ADAMTSL1: variants seen among roughly 807,000 people sequenced by gnomAD.
The protein encoded by ADAMTSL1 is ADAMTS like 1, also known as ADAMTS-like protein 1.
ADAMTSL1 carries 126 observed loss-of-function variants against 201.8 expected under a neutral mutation model. That is an observed-to-expected ratio of 0.62 (90% confidence interval 0.54 to 0.72). The LOEUF is 0.72. Among genes scored for constraint, ADAMTSL1 ranks in the 30% least tolerant of loss-of-function variants. The pLI, the probability that ADAMTSL1 is intolerant of heterozygous loss-of-function variation, is 0.00. For missense variants in ADAMTSL1, 2,679 were observed against 2,277.8 expected (o/e 1.18, Z -3.59); for synonymous variants, 1,121 against 903.4 (o/e 1.24, Z -4.32).
chr9:18,262,785 C>G (rs545647337), intron 2 of ADAMTSL1, among the ~76,000 whole-genome samples: 77 of 152,298 alleles, frequency 5.1e-4, no homozygotes, highest in African/African-American at 1.7e-3. Context: ...TGATTGGTTT[C>G]TGCAAGTAGG....
chr9:18,578,532 T>A (rs980696636), intron 4 of ADAMTSL1, among the ~76,000 whole-genome samples: 7 of 152,182 alleles, frequency 4.6e-5, no homozygotes, highest in Non-Finnish European at 1.0e-4. Flanking sequence ...TAGGTTGGAA[T>A]CTAAGCTCCA....
intron 2 of ADAMTSL1, among the ~76,000 whole-genome samples, chr9:18,325,218 C>T (rs1460975436): frequency 6.6e-6 from 1 of 152,172 alleles, no homozygotes; most frequent in Non-Finnish European, 1.5e-5. Flanking sequence ...TACCCTATGA[C>T]CCAGTGATTC....
chr9:18,683,787 A>G (rs559309393), intron 12 of ADAMTSL1, among the ~76,000 whole-genome samples: 1 of 152,350 alleles, frequency 6.6e-6, no homozygotes, highest in South Asian at 2.1e-4. Flanking sequence ...GCAGTTAACT[A>G]TCAAGAATCA....
chr9:18,681,699 G>GTGT, intron 11 of ADAMTSL1, 113 bp from the exon 12 acceptor site: 3 of 287,428 alleles, frequency 1.0e-5, no homozygotes, highest in East Asian at 6.8e-5. Context: ...TCCTCGTGTG[G>GTGT]GGGGGGGGGG....
chr9:18,060,087 C>T (rs576985711), intron 1 of ADAMTSL1, among the ~76,000 whole-genome samples: 2 of 152,284 alleles, frequency 1.3e-5, no homozygotes, highest in East Asian at 1.9e-4. Flanking sequence ...TTGTGACTTA[C>T]CTATCCTTCC....
chr9:18,429,649 ATGCTCTTATTAATTTATCATTCCCCTTT>A (rs1187392936), intron 2 of ADAMTSL1, among the ~76,000 whole-genome samples: 1 of 152,148 alleles, frequency 6.6e-6, no homozygotes, highest in African/African-American at 2.4e-5. Flanking sequence ...GGCCTAAATA[ATGCTCTTATTAATTTATCATTCCCCTTT>A]AGAAGGAGGG....
chr9:18,043,611 G>A (rs1179939390), intron 1 of ADAMTSL1, among the ~76,000 whole-genome samples: 1 of 151,940 alleles, frequency 6.6e-6, no homozygotes, highest in African/African-American at 2.4e-5. Flanking sequence ...GGTGTTCCCT[G>A]ACTTCTAGAG....
chr9:18,449,279 A>T (rs1307343163), intron 2 of ADAMTSL1, among the ~76,000 whole-genome samples: 1 of 143,832 alleles, frequency 7.0e-6, no homozygotes. Flanking sequence ...TATATAATTT[A>T]AAAATATAAT....
At chr9:18,023,498 CA>C (rs749111613) in intron 1 of ADAMTSL1, among the ~76,000 whole-genome samples, 8 of 152,162 alleles carry the variant, frequency 5.3e-5, no homozygotes, top group Non-Finnish European at 1.5e-5. Flanking sequence ...ACCCCAAGAT[CA>C]GCCACTTTCT....
chr9:18,255,697 G>T (rs897009507), intron 2 of ADAMTSL1, among the ~76,000 whole-genome samples: 1 of 152,160 alleles, frequency 6.6e-6, no homozygotes, highest in African/African-American at 2.4e-5. Flanking sequence ...TGAGGACTTT[G>T]TCTTTTCATA....
intron 2 of ADAMTSL1, among the ~76,000 whole-genome samples, chr9:18,509,190 C>CAA (rs57922962): frequency 0.024 from 491 of 20,462 alleles, 178 homozygotes; most frequent in East Asian, 0.039. Context: ...GACTCCGTCT[C>CAA]AAAAAAAAAA....
intron 4 of ADAMTSL1, among the ~76,000 whole-genome samples, chr9:18,587,025 T>C (rs1480084234): frequency 1.3e-5 from 2 of 152,080 alleles, no homozygotes; most frequent in African/African-American, 4.8e-5. Context: ...AATACCATTC[T>C]GGACATAGGA....
At chr9:18,798,877 T>C (rs1822600739) in intron 20 of ADAMTSL1, among the ~76,000 whole-genome samples, 1 of 152,248 alleles carries the variant, frequency 6.6e-6, no homozygotes, top group African/African-American at 2.4e-5. Flanking sequence ...CATTTAGTTT[T>C]AGACATAGAA....
chr9:18,174,877 G>C (rs551889015), intron 2 of ADAMTSL1, among the ~76,000 whole-genome samples: 1 of 152,130 alleles, frequency 6.6e-6, no homozygotes, highest in Non-Finnish European at 1.5e-5. Flanking sequence ...TTACCCAATG[G>C]AAAGTTTGGG....
chr9:18,326,236 T>C (rs893744894), intron 2 of ADAMTSL1, among the ~76,000 whole-genome samples: 2 of 152,144 alleles, frequency 1.3e-5, no homozygotes, highest in South Asian at 4.1e-4. Context: ...GCAAAACTTA[T>C]CTATAGTAAT....
chr9:18,888,459 C>G (rs1249067276), intron 24 of ADAMTSL1, among the ~76,000 whole-genome samples: 1 of 152,360 alleles, frequency 6.6e-6, no homozygotes, highest in South Asian at 2.1e-4. Context: ...GCCTGCTGAT[C>G]ATTCTGAAGA....
At chr9:18,607,806 C>T (rs917245808) in intron 4 of ADAMTSL1, among the ~76,000 whole-genome samples, 1 of 151,880 alleles carries the variant, frequency 6.6e-6, no homozygotes, top group African/African-American at 2.4e-5. Flanking sequence ...CAGTTCCCAC[C>T]TATGAGTGAG....
chr9:18,568,053 G>A (rs931022561), intron 3 of ADAMTSL1, among the ~76,000 whole-genome samples: 2 of 152,020 alleles, frequency 1.3e-5, no homozygotes, highest in Non-Finnish European at 2.9e-5. Context: ...ATATCTTATT[G>A]TACTGTGCTC....
chr9:18,319,805 C>T (rs1475931721), intron 2 of ADAMTSL1, among the ~76,000 whole-genome samples: 1 of 152,152 alleles, frequency 6.6e-6, no homozygotes, highest in Non-Finnish European at 1.5e-5. Context: ...TCACCTGAAT[C>T]TGTGAATATG....
Sources: gnomAD v4.1 joint callset for allele counts (sites outside exome capture counted in the v4.1 genomes callset) on GRCh38, gnomAD v4.1.1 for gene constraint, MANE v1.5 for transcripts, NCBI Gene and HGNC (gene_info 2026-07-23, HGNC 2026-07-21) for gene names.